C12orf42: variants seen among roughly 807,000 people sequenced by gnomAD.
C12orf42 encodes uncharacterized protein C12orf42.
C12orf42 carries 25 observed loss-of-function variants against 21.6 expected under a neutral mutation model. The ratio of observed to expected loss-of-function variants is 1.16; its 90% confidence interval spans 0.84 to 1.62. The LOEUF (loss-of-function observed/expected upper bound fraction) is 1.62. C12orf42 is among the 40% of genes most tolerant of loss of function. C12orf42 has a pLI of 0.00. For synonymous variants in C12orf42, 174 were observed against 175.0 expected (o/e 0.99, Z 0.05); for missense variants, 483 against 459.3 (o/e 1.05, Z -0.47).
the C12orf42 span, among the ~76,000 whole-genome samples, chr12:103,540,910 T>C: frequency 6.6e-6 from 1 of 151,882 alleles, no homozygotes; most frequent in African/African-American, 2.4e-5. Flanking sequence ...TTTCTTTCTT[T>C]CTTTTTTTTT....
intron 10 of C12orf42, among the ~76,000 whole-genome samples, chr12:103,254,260 C>T (rs1333778536): frequency 6.6e-6 from 1 of 152,128 alleles, no homozygotes; most frequent in Non-Finnish European, 1.5e-5. Flanking sequence ...TTGTTTTTGT[C>T]AGGTTAGTCA....
At chr12:103,238,749 T>C (rs1726979042) in intron 10 of C12orf42, among the ~76,000 whole-genome samples, 1 of 152,052 alleles carries the variant, frequency 6.6e-6, no homozygotes, top group Non-Finnish European at 1.5e-5. Flanking sequence ...GAAAGAGCTG[T>C]AGGATGCCCC....
chr12:103,446,673 C>T (rs1951593644), intron 2 of C12orf42, among the ~76,000 whole-genome samples: 1 of 151,834 alleles, frequency 6.6e-6, no homozygotes, highest in Non-Finnish European at 1.5e-5. Flanking sequence ...GAAAGATATC[C>T]ATGCAAATGG....
At chr12:103,376,047 G>C (rs1162792367) in intron 3 of C12orf42, among the ~76,000 whole-genome samples, 2 of 152,146 alleles carry the variant, frequency 1.3e-5, no homozygotes, top group African/African-American at 2.4e-5. Context: ...CCTCAAGTTA[G>C]ACAGAAGATT....
At chr12:103,500,446 C>T (rs887834992), upstream of C12orf42, among the ~76,000 whole-genome samples, 6 of 152,168 alleles carry the variant, frequency 3.9e-5, no homozygotes, top group African/African-American at 1.4e-4. Flanking sequence ...AAAGCCCCTC[C>T]TGGGTAGAAG....
intron 2 of C12orf42, among the ~76,000 whole-genome samples, chr12:103,427,752 A>G (rs1018675145): frequency 5.9e-5 from 9 of 152,242 alleles, no homozygotes; most frequent in African/African-American, 2.2e-4. Flanking sequence ...AGCAAATGCA[A>G]AAGAACGGAA....
At chr12:103,103,474 G>A in the C12orf42 span, among the ~76,000 whole-genome samples, 1 of 152,210 alleles carries the variant, frequency 6.6e-6, no homozygotes, top group Non-Finnish European at 1.5e-5. Flanking sequence ...CATTGAATCA[G>A]AGAGGTAGAT....
intron 2 of C12orf42, among the ~76,000 whole-genome samples, chr12:103,465,775 A>T (rs1284761542): frequency 2.6e-5 from 4 of 152,214 alleles, no homozygotes; most frequent in African/African-American, 9.6e-5. Flanking sequence ...TGTTCCATCA[A>T]TACCTAGTTT....
chr12:103,410,413 T>G (rs553832826), intron 2 of C12orf42, among the ~76,000 whole-genome samples: 1 of 152,328 alleles, frequency 6.6e-6, no homozygotes, highest in East Asian at 1.9e-4. Context: ...ACCCTTGTGT[T>G]CCAATTTGTA....
At chr12:103,318,097 G>A (rs537256364) in intron 4 of C12orf42, among the ~76,000 whole-genome samples, 1 of 152,086 alleles carries the variant, frequency 6.6e-6, no homozygotes, top group Non-Finnish European at 1.5e-5. Flanking sequence ...AGGCCAGCCT[G>A]AGCAACATGG....
the C12orf42 span, among the ~76,000 whole-genome samples, chr12:103,057,716 C>G: frequency 1.3e-5 from 2 of 151,996 alleles, no homozygotes; most frequent in South Asian, 4.2e-4. Context: ...GGTATATACC[C>G]AGTAATAGGA....
chr12:103,455,470 C>G (rs1214099285), intron 2 of C12orf42, among the ~76,000 whole-genome samples: 2 of 152,096 alleles, frequency 1.3e-5, no homozygotes, highest in Non-Finnish European at 2.9e-5. Context: ...ATTTCATTCT[C>G]TGATCTCTTA....
intron 4 of C12orf42, among the ~76,000 whole-genome samples, chr12:103,294,418 AAAG>A (rs1593308160): frequency 1.0e-4 from 13 of 126,876 alleles, no homozygotes; most frequent in Admixed American, 2.5e-4. Flanking sequence ...AGAAAGAGAG[AAAG>A]GAGAGAGAGA....
intron 2 of C12orf42, among the ~76,000 whole-genome samples, chr12:103,430,613 G>A (rs1357688455): frequency 6.6e-6 from 1 of 152,164 alleles, no homozygotes; most frequent in Non-Finnish European, 1.5e-5. Context: ...CCATTACTGG[G>A]TATATACCCA....
At chr12:103,371,014 G>A (rs544849716) in intron 3 of C12orf42, among the ~76,000 whole-genome samples, 2 of 152,036 alleles carry the variant, frequency 1.3e-5, no homozygotes, top group African/African-American at 2.4e-5. Context: ...CAGATGATTT[G>A]GATATTGTAT....
At chr12:103,353,159 G>A (rs113681348) in intron 4 of C12orf42, among the ~76,000 whole-genome samples, 1,781 of 152,094 alleles carry the variant, frequency 0.012, 37 homozygotes, top group African/African-American at 0.04. Context: ...TCCCTAAGGC[G>A]CAAAACAAGA....
the C12orf42 span, among the ~76,000 whole-genome samples, chr12:103,508,082 T>A: frequency 6.6e-6 from 1 of 152,144 alleles, no homozygotes; most frequent in Admixed American, 6.6e-5. Context: ...AATATCTTAT[T>A]TTCAGGATTA....
the C12orf42 span, among the ~76,000 whole-genome samples, chr12:103,137,096 G>T: frequency 6.6e-6 from 1 of 152,230 alleles, no homozygotes; most frequent in East Asian, 1.9e-4. Context: ...ACAACCTGTT[G>T]AATGGAATAA....
chr12:103,440,261 G>T (rs1402258990), intron 2 of C12orf42, among the ~76,000 whole-genome samples: 2 of 117,050 alleles, frequency 1.7e-5, no homozygotes, highest in East Asian at 5.3e-4. Flanking sequence ...ACTGTGGTGG[G>T]GTCGGGGGAG....
Sources: allele counts gnomAD v4.1 joint callset (sites outside exome capture counted in the v4.1 genomes callset), GRCh38; gene constraint gnomAD v4.1.1; transcripts MANE v1.5; gene names NCBI Gene and HGNC (gene_info 2026-07-23, HGNC 2026-07-21).